Variants in WDR27 observed in about 807,000 individuals in gnomAD.
WDR27 encodes the protein WD repeat-containing protein 27.
Under a neutral mutation model 114.4 loss-of-function variants are expected in WDR27, and 100 were observed. The observed-to-expected ratio is 0.87, with a 90% confidence interval of 0.74 to 1.03. WDR27 has a LOEUF of 1.03. WDR27 is among the 50% of genes least tolerant of loss of function. The probability of loss-of-function intolerance (pLI) is 0.00; values close to 1 mark genes in which losing one functional copy is unlikely to be tolerated. For missense variants in WDR27, 1,129 were observed against 1,092.9 expected, an observed-to-expected ratio of 1.03 and a Z score of -0.47; for synonymous variants, 449 against 423.1, an observed-to-expected ratio of 1.06 and a Z score of -0.75.
At chr6:169,611,669 C>T (rs964684165) in intron 22 of WDR27, among the ~76,000 whole-genome samples, 1 of 152,120 alleles carries the variant, frequency 6.6e-6, no homozygotes, top group African/African-American at 2.4e-5. Context: ...CTATTTTGAG[C>T]TTTTTCTTAC....
At chr6:169,636,684 T>C (rs1027231561) in intron 18 of WDR27, among the ~76,000 whole-genome samples, 180 bp from the exon 19 acceptor site, 1 of 152,268 alleles carries the variant, frequency 6.6e-6, no homozygotes, top group Non-Finnish European at 1.5e-5. Context: ...AAAGGTATTA[T>C]ATGATTAAAA....
intron 14 of WDR27, among the ~76,000 whole-genome samples, chr6:169,649,518 T>C (rs1004554199): frequency 6.6e-6 from 1 of 152,018 alleles, no homozygotes; most frequent in African/African-American, 2.4e-5. Context: ...AATCCTGGAA[T>C]AGGACCCTGA....
intron 24 of WDR27, among the ~76,000 whole-genome samples, chr6:169,576,014 G>A (rs147937805): frequency 1.0e-3 from 152 of 152,230 alleles, no homozygotes; most frequent in African/African-American, 3.4e-3. Flanking sequence ...TCAGAGACGT[G>A]TCTGATAACC....
intron 23 of WDR27, among the ~76,000 whole-genome samples, chr6:169,600,129 G>T (rs957295404): frequency 6.6e-6 from 1 of 152,196 alleles, no homozygotes; most frequent in Non-Finnish European, 1.5e-5. Context: ...CTGAGAGACA[G>T]TTTGTTATAA....
chr6:169,527,782 A>G (rs1408846394), intron 25 of WDR27, among the ~76,000 whole-genome samples: 2 of 152,218 alleles, frequency 1.3e-5, no homozygotes, highest in East Asian at 3.8e-4. Context: ...TGGTGATAGG[A>G]GCATATATTA....
chr6:169,465,059 G>A (rs991887236), intron 25 of WDR27, among the ~76,000 whole-genome samples: 8 of 151,808 alleles, frequency 5.3e-5, no homozygotes, highest in African/African-American at 1.9e-4. Context: ...AGGAGTTCAA[G>A]AGCAGCCTGA....
intron 25 of WDR27, among the ~76,000 whole-genome samples, chr6:169,541,738 A>T (rs1371197259): frequency 6.6e-6 from 1 of 152,250 alleles, no homozygotes; most frequent in Non-Finnish European, 1.5e-5. Context: ...AAAAGAAAAA[A>T]GTACTTAATG....
Position 169,672,145 on chromosome 6 carries a change from A to AGG in WDR27, c.331+108_331+109dup, listed in dbSNP as rs967912624. On this transcript the variant is annotated intron_variant, in intron 3 of 25. Coordinates refer to ENST00000448612, the MANE Select transcript of WDR27 (RefSeq NM_182552.5). ...GTACAAAATTATCCCAAACCCCCCG[A>AGG]GGGACTGCTGTTACCCAAGGGAAAC... 2.6e-6 allele frequency: 3 copies of AGG among 1,133,884 alleles called. No homozygotes were observed. The African/African-American group carries it at 4.7e-5, about 18-fold the overall frequency. The allele number at this position is 1,133,884 out of a possible 1,614,324, so 70.2% of individuals were successfully genotyped here. A position where few individuals can be genotyped will look rare whatever the true frequency, so the allele number is the denominator to read the frequency against.
chr6:169,535,730 G>A (rs16888111), intron 25 of WDR27, among the ~76,000 whole-genome samples: 6,662 of 152,178 alleles, frequency 0.044, 388 homozygotes, highest in African/African-American at 0.14. Context: ...TAAAGTATGT[G>A]GACCACAGAA....
At chr6:169,691,033 G>C (rs1784373520) in intron 1 of WDR27, among the ~76,000 whole-genome samples, 1 of 152,270 alleles carries the variant, frequency 6.6e-6, no homozygotes, top group Admixed American at 6.5e-5. Flanking sequence ...GGCTAACACG[G>C]TGAAACCCTG....
At chr6:169,438,599 C>G in the WDR27 span, among the ~76,000 whole-genome samples, 1 of 152,160 alleles carries the variant, frequency 6.6e-6, no homozygotes, top group African/African-American at 2.4e-5. Flanking sequence ...TTCTTGTTTA[C>G]TTTATTCCTT....
Position 169,636,444 on chromosome 6 carries a change from T to G in WDR27, c.1930A>C (p.Ile644Leu). The G allele has an allele frequency of 1.2e-5, 19 of 1,613,898 alleles. No individual in the cohort carries two copies. The highest frequency in any genetic ancestry group is 1.6e-5 in the Non-Finnish European group (19 of 1,179,816). ...SAQFYYIDAF[I>L]LLSSGPEFQL... ...AATTCAGGGCCAGAAGATAACAATA[T>G]AAAGGCATCTATATAATAGAACTGT... The change falls in exon 19 of 26, where the codon ATA becomes CTA. Residue 644 changes from isoleucine to leucine, a missense_variant. Coordinates refer to ENST00000448612, the MANE Select transcript of WDR27 (RefSeq NM_182552.5).
chr6:169,454,843 A>G (rs1336371548), downstream of WDR27, among the ~76,000 whole-genome samples: 1 of 152,200 alleles, frequency 6.6e-6, no homozygotes, highest in Non-Finnish European at 1.5e-5. Flanking sequence ...CTGCACATCC[A>G]TGGCTGGGCT....
At chr6:169,600,073 T>C (rs1009294620) in intron 23 of WDR27, among the ~76,000 whole-genome samples, 1 of 152,234 alleles carries the variant, frequency 6.6e-6, no homozygotes, top group Non-Finnish European at 1.5e-5. Flanking sequence ...TGAGCGGTTT[T>C]GAGTGCGTTT....
At chr6:169,643,625 G>T in intron 17 of WDR27, 72 bp downstream of exon 17, 2 of 1,305,120 alleles carry the variant, frequency 1.5e-6, no homozygotes, top group Non-Finnish European at 2.2e-6. Flanking sequence ...GTGTCCTTTA[G>T]CAACTGATAA....
intron 25 of WDR27, among the ~76,000 whole-genome samples, chr6:169,553,583 A>G (rs562935123): frequency 6.6e-6 from 1 of 151,196 alleles, no homozygotes; most frequent in Non-Finnish European, 1.5e-5. Context: ...CTTAGTGGCC[A>G]GGGGTCAACC....
chr6:169,451,611 T>C, the WDR27 span, among the ~76,000 whole-genome samples: 1 of 152,256 alleles, frequency 6.6e-6, no homozygotes, highest in Non-Finnish European at 1.5e-5. Flanking sequence ...CCCGAACATA[T>C]TTCCAAACTA....
At chr6:169,507,239 C>G (rs1450862398) in intron 25 of WDR27, among the ~76,000 whole-genome samples, 1 of 152,174 alleles carries the variant, frequency 6.6e-6, no homozygotes, top group Non-Finnish European at 1.5e-5. Flanking sequence ...TTTTTTCCCC[C>G]TTTCCTGTCC....
At chr6:169,583,505 G>A (rs201452012) in intron 23 of WDR27, among the ~76,000 whole-genome samples, 459 of 22,380 alleles carry the variant, frequency 0.021, 2 homozygotes, top group South Asian at 0.047. Flanking sequence ...ATATATATAT[G>A]TATATATACA....
Sources: gnomAD v4.1 joint callset for allele counts (sites outside exome capture counted in the v4.1 genomes callset) on GRCh38, gnomAD v4.1.1 for gene constraint, MANE v1.5 for transcripts, NCBI Gene and HGNC (gene_info 2026-07-23, HGNC 2026-07-21) for gene names.